Variants in NOS1 observed in about 807,000 individuals in gnomAD.
NOS1 encodes the protein NOS type I.
NOS1 carries 51 observed loss-of-function variants against 164.5 expected under a neutral mutation model. The observed-to-expected ratio is 0.31, with a 90% CI of 0.25 to 0.39. The LOEUF (loss-of-function observed/expected upper bound fraction) is 0.39, where lower values mean the gene tolerates loss of function less well. Among genes scored for constraint, NOS1 ranks in the 10% least tolerant of loss-of-function variants. The probability of loss-of-function intolerance (pLI) is 1.00; values close to 1 mark genes in which losing one functional copy is unlikely to be tolerated. For synonymous variants in NOS1, 719 were observed against 745.8 expected (o/e 0.96, Z 0.59); for missense variants, 1,362 against 1,885.6 (o/e 0.72, Z 5.14).
chr12:117,348,019 T>C (rs1876434676), intron 1 of NOS1: 1 of 74,008 alleles, frequency 1.4e-5, no homozygotes, highest in Non-Finnish European at 2.7e-5. Flanking sequence ...TCCCCTACAT[T>C]TTTTTTTTTT....
At chr12:117,289,840 C>T (rs1452406535) in intron 4 of NOS1, among the ~76,000 whole-genome samples, 2 of 152,152 alleles carry the variant, frequency 1.3e-5, no homozygotes, top group African/African-American at 2.4e-5. Flanking sequence ...CTTTTAGCTT[C>T]CCTATCTTTG....
At chr12:117,360,844 C>T (rs767998289) in intron 1 of NOS1, among the ~76,000 whole-genome samples, 7 of 152,164 alleles carry the variant, frequency 4.6e-5, no homozygotes, top group Non-Finnish European at 1.0e-4. Context: ...GGGAGGGTAG[C>T]GAGCTGTGCC....
chr12:117,284,768 G>C (rs1873967707), intron 7 of NOS1, among the ~76,000 whole-genome samples: 1 of 152,092 alleles, frequency 6.6e-6, no homozygotes. Context: ...AAGATGCCGG[G>C]GCTGGGCGTG....
In NOS1 at chr12:117,330,450, T is replaced by C. The variant is rs1875479473; in HGVS notation, c.620A>G (p.Lys207Arg). Residue 207 changes from lysine to arginine, a missense_variant, in exon 2 of 29, where the codon AAG becomes AGG. Coordinates refer to ENST00000317775, the MANE Select transcript of NOS1 (RefSeq NM_000620.5). This position sits in a 1 kb window ranked among gnomAD's most constrained non-coding sequence, Gnocchi z 4.6. ...AAGGCTCAGCACAGGCTCTATCTCC[T>C]TGAGCAGTTCATTGTTCTCCCCTCT... ...QGRGENNELL[K>R]EIEPVLSLLT... is the part of the protein sequence containing the mutation. 1.2e-6 allele frequency: 2 copies of C among 1,614,194 alleles called. No individual in the cohort carries two copies. Among genetic ancestry groups the C allele is most frequent in the Non-Finnish European group, 1.7e-6 (2 of 1,180,024 alleles).
At chr12:117,258,695 T>A (rs1235612793) in intron 15 of NOS1, among the ~76,000 whole-genome samples, 1 of 152,162 alleles carries the variant, frequency 6.6e-6, no homozygotes, top group Non-Finnish European at 1.5e-5. Context: ...CAACTTCCCG[T>A]TGGAGCCTTC....
chr12:117,287,757 T>A (rs1206815806), intron 5 of NOS1, among the ~76,000 whole-genome samples: 1 of 152,238 alleles, frequency 6.6e-6, no homozygotes, highest in Non-Finnish European at 1.5e-5. Flanking sequence ...GTTCTTTAAT[T>A]TAATTTTTTC....
At chr12:117,321,499 T>A (rs1160916191) in intron 2 of NOS1, among the ~76,000 whole-genome samples, 1 of 152,086 alleles carries the variant, frequency 6.6e-6, no homozygotes, top group South Asian at 2.1e-4. Flanking sequence ...CCCATGGCTC[T>A]TCCTCAGAAT....
intron 3 of NOS1, chr12:117,304,880 A>T (rs1566068093): frequency 2.5e-6 from 1 of 399,182 alleles, no homozygotes; most frequent in Non-Finnish European, 3.4e-6. Context: ...TGGGATTCCC[A>T]AGGGGTCAGA....
chr12:117,233,202 C>T (rs1869403930), intron 21 of NOS1, among the ~76,000 whole-genome samples: 1 of 151,778 alleles, frequency 6.6e-6, no homozygotes, highest in African/African-American at 2.4e-5. Context: ...CATGTGCCAC[C>T]ATGCCTGGCT....
chr12:117,231,863 C>A, intron 22 of NOS1, 99 bp downstream of exon 22: 1 of 1,315,650 alleles, frequency 7.6e-7, no homozygotes, highest in South Asian at 1.4e-5. Flanking sequence ...TGGCTCAAGA[C>A]TTCCATCTGC....
chr12:117,346,913 G>A (rs693534), intron 1 of NOS1, among the ~76,000 whole-genome samples: 55,489 of 152,026 alleles, frequency 0.36, 10,353 homozygotes, highest in Middle Eastern at 0.45. Context: ...ATCAAAGACA[G>A]CCCATAGGTA....
intron 7 of NOS1, among the ~76,000 whole-genome samples, 180 bp downstream of exon 7, chr12:117,285,060 AT>A (rs1371903339): frequency 2.2e-4 from 27 of 123,888 alleles, no homozygotes; most frequent in East Asian, 2.1e-3. Flanking sequence ...AAAAAAAAAA[AT>A]AAATAAATAA....
chr12:117,346,003 C>T (rs1283197346), intron 1 of NOS1, among the ~76,000 whole-genome samples: 5 of 152,256 alleles, frequency 3.3e-5, no homozygotes, highest in African/African-American at 1.2e-4. Flanking sequence ...GCAGTGGGGA[C>T]TGTAGAGAAC....
chr12:117,279,884 C>T (rs9658369), intron 8 of NOS1, among the ~76,000 whole-genome samples: 4,139 of 152,230 alleles, frequency 0.027, 191 homozygotes, highest in African/African-American at 0.095. Context: ...CAAATGAAGT[C>T]GGCAGCCAGG....
At chr12:117,227,783 T>C in intron 22 of NOS1, 142 bp from the exon 23 acceptor site, 1 of 778,950 alleles carries the variant, frequency 1.3e-6, no homozygotes, top group South Asian at 1.5e-5. Context: ...TTGCAGTGCT[T>C]TGGGGGGCCG....
chr12:117,265,470 T>A lies in NOS1; in HGVS notation c.1982A>T (p.Glu661Val). 1.3e-6 allele frequency: 2 copies of A among 1,575,920 alleles called. No homozygotes were observed. Among genetic ancestry groups the A allele is most frequent in the Non-Finnish European group, 1.7e-6 (2 of 1,161,248 alleles). The change falls in exon 12 of 29, where the codon GAG becomes GTG. Residue 661 changes from glutamate (E) to valine (V), a missense_variant. Around this residue, in one of 4 missense-constraint regions of NOS1, gnomAD observed 737 missense variants for 1,030.3 expected, o/e 0.72. Transcript: ENST00000317775. The stretch of plus-strand genomic sequence containing the variant: ...ATTCTCCATGTGCTTAATGAAGGAC[T>A]CGGTGGCGGAGTGATGGTCAACAAT... ...VTIVDHHSATESFIKHMENEY... is the reference protein window; with the variant it reads ...VTIVDHHSATVSFIKHMENEY...
chr12:117,225,840 G>A (rs1326761582), intron 24 of NOS1, among the ~76,000 whole-genome samples: 2 of 152,134 alleles, frequency 1.3e-5, no homozygotes, highest in East Asian at 3.9e-4. Context: ...TGTTGGCCAG[G>A]CTGGTCTCGA....
intron 21 of NOS1, among the ~76,000 whole-genome samples, chr12:117,233,808 CAA>C (rs374050465): frequency 2.8e-4 from 16 of 57,074 alleles, no homozygotes; most frequent in Admixed American, 8.6e-4. Context: ...AAGTCTGTCT[CAA>C]AAAAAAAAAA....
chr12:117,218,980 G>GTTT (rs111927283), intron 27 of NOS1, among the ~76,000 whole-genome samples: 4 of 136,780 alleles, frequency 2.9e-5, no homozygotes, highest in Admixed American at 7.4e-5. Context: ...GGGGTTAGTT[G>GTTT]TTTTTTTTTT....
Sources: allele counts gnomAD v4.1 joint callset (sites outside exome capture counted in the v4.1 genomes callset), GRCh38; gene constraint gnomAD v4.1.1; regional missense constraint gnomAD v4.1.1; non-coding constraint Gnocchi (gnomAD v3.1); transcripts MANE v1.5; gene names NCBI Gene and HGNC (gene_info 2026-07-23, HGNC 2026-07-21).